ATP8A2: variants seen among roughly 807,000 people sequenced by gnomAD.
ATP8A2 encodes phospholipid-transporting ATPase IB.
Under a neutral mutation model 165.6 loss-of-function variants are expected in ATP8A2, and 100 were observed. That is an observed-to-expected ratio of 0.60 (90% CI 0.51 to 0.71). The LOEUF (loss-of-function observed/expected upper bound fraction) is 0.71, where lower values mean the gene tolerates loss of function less well. Among genes scored for constraint, ATP8A2 ranks in the 30% least tolerant of loss-of-function variants. ATP8A2 has a pLI of 0.00. For synonymous variants in ATP8A2, 543 were observed against 548.8 expected, an observed-to-expected ratio of 0.99 and a Z score of 0.15; for missense variants, 1,227 against 1,479.5, an observed-to-expected ratio of 0.83 and a Z score of 2.80.
At chr13:25,831,733 C>G (rs1267269546) in intron 28 of ATP8A2, among the ~76,000 whole-genome samples, 1 of 151,196 alleles carries the variant, frequency 6.6e-6, no homozygotes, top group Non-Finnish European at 1.5e-5. Context: ...ATCCCAGCTA[C>G]TTGGGAGGCT....
chr13:25,978,117 G>A (rs1956099188), intron 35 of ATP8A2, among the ~76,000 whole-genome samples: 1 of 147,758 alleles, frequency 6.8e-6, no homozygotes, highest in African/African-American at 2.5e-5. Context: ...TTTAAGTAGT[G>A]ATGAAATATT....
chr13:25,565,063 G>T (rs565409344), intron 16 of ATP8A2, among the ~76,000 whole-genome samples: 109 of 152,086 alleles, frequency 7.2e-4, no homozygotes, highest in Admixed American at 4.1e-3. Flanking sequence ...TGGCCACGTG[G>T]TATTCCATCA....
intron 24 of ATP8A2, among the ~76,000 whole-genome samples, chr13:25,667,380 G>C (rs1380996888): frequency 6.6e-6 from 1 of 152,140 alleles, no homozygotes; most frequent in Admixed American, 6.5e-5. Context: ...TCTTGGTACT[G>C]TTCTCCCAGT....
intron 23 of ATP8A2, among the ~76,000 whole-genome samples, chr13:25,588,916 C>T (rs1035961647): frequency 7.9e-5 from 12 of 152,078 alleles, no homozygotes; most frequent in Admixed American, 2.6e-4. Flanking sequence ...GAGAGGCGCT[C>T]GGCTTGGTCC....
intron 25 of ATP8A2, among the ~76,000 whole-genome samples, chr13:25,702,144 A>G (rs767362869): frequency 6.6e-6 from 1 of 152,208 alleles, no homozygotes; most frequent in Non-Finnish European, 1.5e-5. Flanking sequence ...TTCACTTTTC[A>G]TCTTCAAAAT....
At chr13:25,497,751 T>C (rs1052710446) in intron 2 of ATP8A2, among the ~76,000 whole-genome samples, 1 of 152,014 alleles carries the variant, frequency 6.6e-6, no homozygotes, top group African/African-American at 2.4e-5. Context: ...GGTCAGGAGA[T>C]GGAGACCATC....
chr13:25,422,008 C>T (rs1366470805), intron 1 of ATP8A2, among the ~76,000 whole-genome samples: 1 of 152,166 alleles, frequency 6.6e-6, no homozygotes, highest in East Asian at 1.9e-4. Context: ...ACCTCAGTCC[C>T]ACCAGTTATG....
chr13:25,638,032 C>T (rs1464430409), intron 24 of ATP8A2, among the ~76,000 whole-genome samples: 1 of 152,164 alleles, frequency 6.6e-6, no homozygotes, highest in Non-Finnish European at 1.5e-5. Flanking sequence ...TCCAACAGAC[C>T]TGCAGCTGAG....
intron 33 of ATP8A2, among the ~76,000 whole-genome samples, chr13:25,901,973 G>T (rs1953762980): frequency 6.6e-6 from 1 of 152,174 alleles, no homozygotes; most frequent in Admixed American, 6.5e-5. Context: ...ATCTGAAAAT[G>T]CTTAAGTAAA....
intron 25 of ATP8A2, among the ~76,000 whole-genome samples, chr13:25,723,396 T>C (rs1465141840): frequency 6.6e-6 from 1 of 152,248 alleles, no homozygotes; most frequent in East Asian, 1.9e-4. Context: ...CTTTTCTTCT[T>C]GTTAAGGAGA....
chr13:25,417,576 T>G (rs557031358), intron 1 of ATP8A2, among the ~76,000 whole-genome samples: 1 of 106,728 alleles, frequency 9.4e-6, no homozygotes, highest in East Asian at 3.8e-4. Context: ...ATAGCCCAAT[T>G]GTTCAATTTA....
At chr13:25,680,371 C>T (rs1465142520) in intron 24 of ATP8A2, among the ~76,000 whole-genome samples, 2 of 152,100 alleles carry the variant, frequency 1.3e-5, no homozygotes, top group African/African-American at 4.8e-5. Flanking sequence ...AGCCAGTCAC[C>T]AGAAGTGGGG....
chr13:25,628,418 C>T (rs2041156382), intron 24 of ATP8A2, among the ~76,000 whole-genome samples: 1 of 152,168 alleles, frequency 6.6e-6, no homozygotes, highest in African/African-American at 2.4e-5. Context: ...TTCTGTAGTC[C>T]ACACCTGTAA....
intron 1 of ATP8A2, among the ~76,000 whole-genome samples, chr13:25,458,688 C>T (rs973864074): frequency 3.3e-5 from 5 of 152,206 alleles, no homozygotes; most frequent in Admixed American, 6.5e-5. Flanking sequence ...ATGAGATACA[C>T]CTTGATGTTT....
intron 22 of ATP8A2, among the ~76,000 whole-genome samples, 170 bp downstream of exon 22, chr13:25,580,117 C>G (rs1382463909): frequency 6.6e-6 from 1 of 152,096 alleles, no homozygotes; most frequent in Non-Finnish European, 1.5e-5. Flanking sequence ...ACTTAATTTT[C>G]ATGGTCTTTC....
chr13:25,967,162 T>C (rs539265156), intron 34 of ATP8A2, among the ~76,000 whole-genome samples: 6 of 152,364 alleles, frequency 3.9e-5, no homozygotes, highest in African/African-American at 1.4e-4. Context: ...TGACTCTCCT[T>C]TCCAGCAAAC....
intron 27 of ATP8A2, among the ~76,000 whole-genome samples, chr13:25,793,446 T>C (rs1035734495): frequency 2.6e-5 from 4 of 152,218 alleles, no homozygotes; most frequent in Non-Finnish European, 5.9e-5. Context: ...AAATTTTATT[T>C]ATCTAGATTA....
At chr13:25,576,561 G>T (rs1039280753) in intron 19 of ATP8A2, among the ~76,000 whole-genome samples, 2 of 151,874 alleles carry the variant, frequency 1.3e-5, no homozygotes, top group African/African-American at 4.8e-5. Flanking sequence ...TGTAGATGCT[G>T]CGGTGAGGGG....
In ATP8A2 at chr13:25,831,375, C is replaced by T. The variant is rs185836261; in HGVS notation, c.2754+3183C>T. Reference sequence around the variant, plus strand: ...GATTACAGTCGCCCGCCACCGCGCCCGGCTAATTTTTGTATTTTTAGTAGA... The same window carrying T: ...GATTACAGTCGCCCGCCACCGCGCCTGGCTAATTTTTGTATTTTTAGTAGA... On this transcript the variant is annotated intron_variant, in intron 28 of 36. Transcript: ENST00000381655. 1.3e-3 allele frequency among the ~76,000 whole-genome samples: 201 copies of T among 151,956 alleles called. 1 individual carries two copies. The highest frequency in any genetic ancestry group is 4.4e-3 in the African/African-American group (181 of 41,464).
Sources: allele counts gnomAD v4.1 joint callset (sites outside exome capture counted in the v4.1 genomes callset), GRCh38; gene constraint gnomAD v4.1.1; transcripts MANE v1.5; gene names NCBI Gene and HGNC (gene_info 2026-07-23, HGNC 2026-07-21).